Variants in GET4 observed in about 807,000 individuals in gnomAD.
GET4 encodes the protein guided entry of tail-anchored proteins factor 4, also known as Golgi to ER traffic protein 4 homolog.
In GET4, 20 loss-of-function variants were observed where a neutral mutation model predicts 40.0. That is an observed-to-expected ratio of 0.50 (90% CI 0.35 to 0.73). GET4 has a LOEUF of 0.73. Ranked by LOEUF, GET4 falls within the 30% of genes least tolerant of loss-of-function variation. The pLI, the probability that GET4 is intolerant of heterozygous loss-of-function variation, is 0.01. For synonymous variants in GET4, 280 were observed against 194.6 expected (o/e 1.44, Z -3.65); for missense variants, 557 against 454.0 (o/e 1.23, Z -2.06).
intron 1 of GET4, 133 bp downstream of exon 1, chr7:876,933 C>T: frequency 3.2e-6 from 1 of 309,842 alleles, no homozygotes; most frequent in Non-Finnish European, 4.8e-6. Context: ...CCAGGGGCCG[C>T]GGGTCGCCCG....
chr7:881,593 A>C (rs1043888279), intron 1 of GET4: 1 of 152,116 alleles, frequency 6.6e-6, no homozygotes, highest in African/African-American at 2.4e-5. Context: ...TTACCAAAAG[A>C]TACTGTTTGT....
chr7:879,606 T>C (rs1319448867), intron 1 of GET4, among the ~76,000 whole-genome samples: 1 of 152,236 alleles, frequency 6.6e-6, no homozygotes, highest in Non-Finnish European at 1.5e-5. Context: ...CAGAATTTTC[T>C]ATTAACCTCA....
At position 895,546 on chromosome 7, in the gene GET4, G is replaced by C. The variant is rs531447851; in HGVS notation, c.*124G>C. 5.5e-6 allele frequency: 3 copies of C among 543,620 alleles called. No individual in the cohort carries two copies. In the South Asian group the frequency reaches 7.1e-5, roughly 13 times the overall value. 33.7% of individuals were successfully genotyped at this position (543,620 alleles called of 1,614,324 possible). A position where few individuals can be genotyped will look rare whatever the true frequency, so the allele number is the denominator to read the frequency against. Reference sequence around the variant, plus strand: ...CTGAGGCTGGCGGTGGCCGCATGCCGGCGCGTGTCTGTTTCTGTGCGGCGG... The same window carrying C: ...CTGAGGCTGGCGGTGGCCGCATGCCCGCGCGTGTCTGTTTCTGTGCGGCGG... On this transcript the variant is annotated 3_prime_UTR_variant, in exon 9 of 9. Transcript: ENST00000265857.
At chr7:885,979 T>G in intron 1 of GET4, 77 bp from the exon 2 acceptor site, 2 of 903,194 alleles carry the variant, frequency 2.2e-6, no homozygotes, top group Non-Finnish European at 3.7e-6. Context: ...TGTTTTTAGC[T>G]TCTGACCTGA....
rs371222466 is a variant in GET4, at chr7:895,457, G to T, written c.*35G>T. On this transcript the variant is annotated 3_prime_UTR_variant, in exon 9 of 9. Coordinates refer to ENST00000265857, the MANE Select transcript of GET4 (RefSeq NM_015949.3). ...GCCACGTGGAGACACCACGGTCGAC[G>T]ACGGCTGGAGGGACGTTTCAGAGGC... is the stretch of plus-strand genomic sequence containing the variant. 1.8e-6 allele frequency: 2 copies of T among 1,122,502 alleles called. No individual in the cohort carries two copies. Among genetic ancestry groups the T allele is most frequent in the Non-Finnish European group, 2.7e-6 (2 of 745,280 alleles). The allele number at this position is 1,122,502 out of a possible 1,614,324, so 69.5% of individuals were successfully genotyped here.
Position 878,983 on chromosome 7 carries a change from C to CG in GET4, c.155+2183_155+2184insG, listed in dbSNP as rs200672418. Among the ~76,000 whole-genome samples, 1,322 of 152,258 alleles carry CG rather than the reference C, an allele frequency of 8.7e-3. 91 individuals carry two copies. The highest frequency in any genetic ancestry group is 0.074 in the Admixed American group (1,139 of 15,290). ...GCCTCCTGCCCCACAGACACCCCCC[C>CG]CCGAGTAGAGTCCCTCAGGGACCCA... On this transcript the variant is annotated intron_variant, in intron 1 of 8. Transcript: ENST00000265857.
intron 1 of GET4, chr7:882,057 C>T (rs1158078400): frequency 1.3e-5 from 2 of 152,236 alleles, no homozygotes; most frequent in East Asian, 1.9e-4. Context: ...GGACCACATC[C>T]TCTTTATCCG....
At position 895,405 on chromosome 7, in the gene GET4, C is replaced by T; in HGVS notation, c.967C>T (p.Pro323Ser). 1.3e-6 allele frequency: 2 copies of T among 1,583,106 alleles called. No individual in the cohort carries two copies. The highest frequency in any genetic ancestry group is 1.3e-5 in the African/African-American group (1 of 74,302). ...GGAGGAGAGCCCCAGCGACGGCAGCCCCATCGAGCTGGACTGAACTGGCCA... is the reference window on the plus strand; with the variant it reads ...GGAGGAGAGCCCCAGCGACGGCAGCTCCATCGAGCTGGACTGAACTGGCCA... The part of the protein sequence containing the change: ...DGEESPSDGS[P>S]IELD Residue 323 changes from proline to serine, a missense_variant, in exon 9 of 9, where the codon CCC becomes TCC. Physicochemically the swap from Pro to Ser is moderately conservative, Grantham distance 74. Coordinates refer to ENST00000265857, the MANE Select transcript of GET4 (RefSeq NM_015949.3).
At chr7:888,687 C>A (rs1844245647) in intron 4 of GET4, among the ~76,000 whole-genome samples, 1 of 152,254 alleles carries the variant, frequency 6.6e-6, no homozygotes, top group African/African-American at 2.4e-5. Context: ...GCCTCCGTGG[C>A]CCCTGGAGCA....
intron 6 of GET4, among the ~76,000 whole-genome samples, chr7:893,476 T>G (rs879232486): frequency 4.6e-3 from 324 of 71,176 alleles, no homozygotes; most frequent in Middle Eastern, 0.013. Context: ...GCGCGGTGGT[T>G]TGTGCAGGTG....
At chr7:879,882 G>T (rs1024913127) in intron 1 of GET4, 2 of 152,192 alleles carry the variant, frequency 1.3e-5, no homozygotes, top group Non-Finnish European at 2.9e-5. Flanking sequence ...CCTTCAACCC[G>T]ATTGTTCTTC....
chr7:886,887 G>A (rs980067941), intron 3 of GET4: 74 of 566,936 alleles, frequency 1.3e-4, no homozygotes, highest in Admixed American at 2.4e-4. Context: ...GGGCATGACT[G>A]GGGCCCTGTC....
chr7:876,783 C>T lies in GET4; in HGVS notation c.138C>T (p.Tyr46=). ...ACTACTACGAGGCGCACCAGATGTA[C>T]CGGACCCTGTTCTTCAGGTACCCGC... ...KGDYYEAHQM[Y]RTLFFRYMSQ... is the part of the protein sequence containing the mutation. The change falls in exon 1 of 9, where the codon TAC becomes TAT. Residue 46 remains tyrosine (Y), a synonymous_variant. Transcript: ENST00000265857. 1 of 1,280,974 alleles carries T rather than the reference C, an allele frequency of 7.8e-7. No individual in the cohort carries two copies. Among genetic ancestry groups the T allele is most frequent in the Non-Finnish European group, 1.0e-6 (1 of 999,134 alleles). The allele number at this position is 1,280,974 out of a possible 1,614,324, so 79.4% of individuals were successfully genotyped here.
chr7:885,998 G>A (rs577616543), intron 1 of GET4, 58 bp from the exon 2 acceptor site: 34 of 1,001,070 alleles, frequency 3.4e-5, no homozygotes, highest in South Asian at 5.1e-5. Flanking sequence ...GAAGATGAGC[G>A]GGGGAGCGCG....
At chr7:887,324 C>T (rs373573679) in intron 3 of GET4, 46 bp from the exon 4 acceptor site, 19 of 1,550,722 alleles carry the variant, frequency 1.2e-5, no homozygotes, top group Middle Eastern at 1.7e-4. Flanking sequence ...GACAGAGAGC[C>T]GGAGTGGCCG....
chr7:893,558 TTGGGCGTAGGCG>T (rs1844390758), intron 6 of GET4, among the ~76,000 whole-genome samples, 170 bp from the exon 7 acceptor site: 1 of 128,570 alleles, frequency 7.8e-6, no homozygotes, highest in Non-Finnish European at 1.6e-5. Context: ...CAGGTGAGTG[TTGGGCGTAGGCG>T]TGGTGGTTGC....
chr7:888,851 G>T (rs1477368004), intron 4 of GET4, among the ~76,000 whole-genome samples: 1 of 152,264 alleles, frequency 6.6e-6, no homozygotes, highest in African/African-American at 2.4e-5. Context: ...CCCACTGCCA[G>T]GTTAGGGAGG....
chr7:886,271 G>C, intron 2 of GET4, 137 bp downstream of exon 2: 2 of 649,314 alleles, frequency 3.1e-6, no homozygotes, highest in South Asian at 1.8e-5. Context: ...GGTGGCAGAG[G>C]GGCCCAGAGT....
intron 1 of GET4, chr7:880,031 G>A (rs948487205): frequency 4.6e-5 from 7 of 152,216 alleles, no homozygotes; most frequent in African/African-American, 1.7e-4. Context: ...GCCGTGCCTA[G>A]GAATTTGTAT....
Sources: allele counts gnomAD v4.1 joint callset (sites outside exome capture counted in the v4.1 genomes callset), GRCh38; gene constraint gnomAD v4.1.1; transcripts MANE v1.5; gene names NCBI Gene and HGNC (gene_info 2026-07-23, HGNC 2026-07-21).